Variants in ABCA13 observed in about 807,000 individuals in gnomAD.
The protein encoded by ABCA13 is ATP-binding cassette sub-family A member 13.
Under a neutral mutation model 478.7 loss-of-function variants are expected in ABCA13, and 476 were observed. The ratio of observed to expected loss-of-function variants is 0.99; its 90% CI spans 0.92 to 1.07. The LOEUF (loss-of-function observed/expected upper bound fraction) is 1.07. Ranked by LOEUF, ABCA13 falls within the 50% of genes least tolerant of loss-of-function variation. The probability of loss-of-function intolerance (pLI) is 0.00; values close to 1 mark genes in which losing one functional copy is unlikely to be tolerated. For synonymous variants in ABCA13, 2,252 were observed against 2,158.9 expected (o/e 1.04, Z -1.20); for missense variants, 6,060 against 5,910.6 (o/e 1.03, Z -0.83).
chr7:48,321,188 A>C (rs1466321764), intron 27 of ABCA13, among the ~76,000 whole-genome samples: 1 of 152,210 alleles, frequency 6.6e-6, no homozygotes, highest in Admixed American at 6.5e-5. Flanking sequence ...CGCTGCTGGC[A>C]TCTGGAGGCT....
At chr7:48,323,381 T>C (rs1476498811) in intron 27 of ABCA13, among the ~76,000 whole-genome samples, 2 of 152,186 alleles carry the variant, frequency 1.3e-5, no homozygotes, top group Non-Finnish European at 2.9e-5. Flanking sequence ...GACATTCTGG[T>C]GTTAAATATA....
chr7:48,389,479 A>C (rs1163348688), intron 37 of ABCA13, among the ~76,000 whole-genome samples: 1 of 152,092 alleles, frequency 6.6e-6, no homozygotes, highest in Non-Finnish European at 1.5e-5. Context: ...TAAAAGGCTT[A>C]ATTCTTGTAT....
chr7:48,263,917 C>T (rs756998094), intron 15 of ABCA13, among the ~76,000 whole-genome samples: 2 of 151,868 alleles, frequency 1.3e-5, no homozygotes, highest in Non-Finnish European at 2.9e-5. Context: ...AAGTCTTCAT[C>T]ACTCCCAAAA....
At chr7:48,621,860 A>T (rs1793169769) in intron 59 of ABCA13, among the ~76,000 whole-genome samples, 1 of 151,868 alleles carries the variant, frequency 6.6e-6, no homozygotes, top group African/African-American at 2.4e-5. Context: ...CTGGTTTGGG[A>T]CCTCATCATG....
Position 48,279,448 on chromosome 7 carries a change from A to C in ABCA13, c.8254A>C (p.Lys2752Gln). The part of the protein sequence containing the change: ...TLEALWKNLK[K>Q]DNWNVSNVLM... ...AGAAGCTCTTTGGAAAAACTTAAAG[A>C]AAGATAATTGGAATGTTTCTAATGT... is the stretch of plus-strand genomic sequence containing the variant. Residue 2752 changes from lysine to glutamine, a missense_variant, in exon 18 of 62, where the codon AAA becomes CAA. Lys to Gln is a moderately conservative substitution (Grantham distance 53). Transcript: ENST00000435803. 1 of 1,608,266 alleles carries C rather than the reference A, an allele frequency of 6.2e-7. No individual in the cohort carries two copies. The highest frequency in any genetic ancestry group is 8.5e-7 in the Non-Finnish European group (1 of 1,176,632).
chr7:48,344,323 A>T (rs1335867652), intron 29 of ABCA13, among the ~76,000 whole-genome samples: 1 of 152,200 alleles, frequency 6.6e-6, no homozygotes, highest in East Asian at 1.9e-4. Context: ...TGTAGGGCCT[A>T]GGTTGAGAAA....
chr7:48,328,071 A>G (rs556371771), intron 27 of ABCA13, among the ~76,000 whole-genome samples: 7 of 152,350 alleles, frequency 4.6e-5, no homozygotes, highest in African/African-American at 7.2e-5. Context: ...ACTAACTTCC[A>G]TAGAAATAAA....
At position 48,350,815 on chromosome 7, in the gene ABCA13, G is replaced by A; in HGVS notation, c.10377G>A (p.Leu3459=). Residue 3459 remains leucine, a synonymous_variant, in exon 30 of 62, where the codon TTG becomes TTA. Coordinates refer to ENST00000435803, the MANE Select transcript of ABCA13 (RefSeq NM_152701.5). ...AACTCTTGCAGCAGAACAGCTTCTTGGCCAGTAAGTACTCAATGAAAAAAT... is the reference window on the plus strand; with the variant it reads ...AACTCTTGCAGCAGAACAGCTTCTTAGCCAGTAAGTACTCAATGAAAAAAT... ...AHELLQQNSF[L]ASIIFSNSLF... 1 of 1,613,202 alleles carries A rather than the reference G, an allele frequency of 6.2e-7. No homozygotes were observed. Among genetic ancestry groups the A allele is most frequent in the Non-Finnish European group, 8.5e-7 (1 of 1,179,490 alleles).
intron 43 of ABCA13, among the ~76,000 whole-genome samples, chr7:48,456,177 A>G (rs940723882): frequency 1.3e-5 from 2 of 152,270 alleles, no homozygotes; most frequent in African/African-American, 2.4e-5. Context: ...GCTTTTCAAC[A>G]TGAAGACAAC....
intron 7 of ABCA13, among the ~76,000 whole-genome samples, chr7:48,230,749 G>GTCCATCCA (rs1012585477): frequency 6.7e-6 from 1 of 149,046 alleles, no homozygotes; most frequent in East Asian, 1.9e-4. Context: ...CCATCCATCC[G>GTCCATCCA]TCCATCCATC....
chr7:48,302,698 G>A (rs1800319619), intron 23 of ABCA13, among the ~76,000 whole-genome samples: 1 of 152,182 alleles, frequency 6.6e-6, no homozygotes, highest in East Asian at 1.9e-4. Flanking sequence ...TGGCTGCATA[G>A]TATTCCATGG....
At chr7:48,541,971 T>G (rs192447465) in intron 55 of ABCA13, among the ~76,000 whole-genome samples, 1 of 150,544 alleles carries the variant, frequency 6.6e-6, no homozygotes, top group East Asian at 1.9e-4. Context: ...ATTATGCAAA[T>G]GAAAACAAAA....
At chr7:48,189,472 T>C (rs544238765) in intron 1 of ABCA13, among the ~76,000 whole-genome samples, 1 of 152,344 alleles carries the variant, frequency 6.6e-6, no homozygotes, top group East Asian at 1.9e-4. Context: ...CACTTGTGAT[T>C]TTCAGAAGGG....
intron 15 of ABCA13, among the ~76,000 whole-genome samples, chr7:48,256,145 G>A (rs867200449): frequency 1.3e-5 from 2 of 151,928 alleles, no homozygotes; most frequent in Admixed American, 1.3e-4. Flanking sequence ...TTTTAATGGG[G>A]TTGTTTTTTG....
At chr7:48,637,407 C>CAAAAAAAAAAAAAAAAAAA (rs1794755252) in intron 59 of ABCA13, among the ~76,000 whole-genome samples, 1 of 55,834 alleles carries the variant, frequency 1.8e-5, no homozygotes, top group African/African-American at 7.6e-5. Context: ...AAAAAAAAAA[C>CAAAAAAAAAAAAAAAAAAA]AGAGAGAGAA....
chr7:48,420,466 T>G (rs1263520842), intron 41 of ABCA13, among the ~76,000 whole-genome samples: 8 of 152,218 alleles, frequency 5.3e-5, no homozygotes, highest in Non-Finnish European at 1.2e-4. Flanking sequence ...AGACAAAACT[T>G]TCTGGCATAA....
intron 58 of ABCA13, among the ~76,000 whole-genome samples, chr7:48,609,053 A>G (rs1791761379): frequency 6.6e-6 from 1 of 152,150 alleles, no homozygotes; most frequent in South Asian, 2.1e-4. Flanking sequence ...TAATGCATAC[A>G]TGTGTTTACT....
chr7:48,384,250 C>A (rs761857742), intron 35 of ABCA13, among the ~76,000 whole-genome samples: 1 of 152,238 alleles, frequency 6.6e-6, no homozygotes, highest in Non-Finnish European at 1.5e-5. Flanking sequence ...TTTCTGTCTC[C>A]TTTGATTTCC....
At chr7:48,398,034 G>A (rs1286259511) in intron 38 of ABCA13, among the ~76,000 whole-genome samples, 2 of 152,216 alleles carry the variant, frequency 1.3e-5, no homozygotes, top group African/African-American at 4.8e-5. Context: ...GTTAATGACA[G>A]TGGACACTTG....
Sources: gnomAD v4.1 joint callset for allele counts (sites outside exome capture counted in the v4.1 genomes callset) on GRCh38, gnomAD v4.1.1 for gene constraint, MANE v1.5 for transcripts, NCBI Gene and HGNC (gene_info 2026-07-23, HGNC 2026-07-21) for gene names.